Variants in TBC1D22A observed in about 807,000 individuals in gnomAD.
The protein encoded by TBC1D22A is TBC1 domain family member 22A, also known as putative GTPase activator.
Under a neutral mutation model 60.2 loss-of-function variants are expected in TBC1D22A, and 38 were observed. That is an observed-to-expected ratio of 0.63 (90% confidence interval 0.49 to 0.83). The LOEUF (loss-of-function observed/expected upper bound fraction) is 0.83. Among genes scored for constraint, TBC1D22A ranks in the 40% least tolerant of loss-of-function variants. The pLI, the probability that TBC1D22A is intolerant of heterozygous loss-of-function variation, is 0.00. For missense variants in TBC1D22A, 628 were observed against 701.0 expected (o/e 0.90, Z 1.18); for synonymous variants, 302 against 281.7 (o/e 1.07, Z -0.72).
At chr22:46,898,617 A>G (rs1270188729) in intron 7 of TBC1D22A, among the ~76,000 whole-genome samples, 1 of 152,176 alleles carries the variant, frequency 6.6e-6, no homozygotes, top group Non-Finnish European at 1.5e-5. Flanking sequence ...GATAACCTAG[A>G]CACAATGGGG....
At chr22:47,046,579 A>G (rs1313213293) in intron 11 of TBC1D22A, among the ~76,000 whole-genome samples, 3 of 152,104 alleles carry the variant, frequency 2.0e-5, no homozygotes, top group African/African-American at 7.2e-5. Context: ...CTCACATTTG[A>G]GAGCTGGGCC....
At chr22:47,144,205 A>T (rs1296999520) in intron 12 of TBC1D22A, among the ~76,000 whole-genome samples, 1 of 152,194 alleles carries the variant, frequency 6.6e-6, no homozygotes, top group African/African-American at 2.4e-5. Context: ...CACCGTGCTC[A>T]CTTCTCATCG....
At chr22:46,803,468 C>T (rs1282685807) in intron 4 of TBC1D22A, among the ~76,000 whole-genome samples, 4 of 152,164 alleles carry the variant, frequency 2.6e-5, no homozygotes, top group Non-Finnish European at 2.9e-5. Context: ...GGCCCGGCCC[C>T]CAGGAGCTGA....
At chr22:46,828,775 C>T (rs1372163085) in intron 4 of TBC1D22A, among the ~76,000 whole-genome samples, 1 of 152,204 alleles carries the variant, frequency 6.6e-6, no homozygotes, top group African/African-American at 2.4e-5. Context: ...CACCCACTGT[C>T]ACTCTAGCCA....
At chr22:47,097,665 A>G (rs934334305) in intron 11 of TBC1D22A, among the ~76,000 whole-genome samples, 26 of 152,284 alleles carry the variant, frequency 1.7e-4, no homozygotes, top group African/African-American at 6.0e-4. Flanking sequence ...AATTAAAAGG[A>G]AGATAATTGA....
At chr22:46,937,672 G>C (rs1248359362) in intron 8 of TBC1D22A, among the ~76,000 whole-genome samples, 3 of 152,170 alleles carry the variant, frequency 2.0e-5, no homozygotes, top group African/African-American at 7.2e-5. Flanking sequence ...ATAGTTATCA[G>C]AGGAGACGAT....
chr22:47,095,088 G>A (rs1038139165), intron 11 of TBC1D22A, among the ~76,000 whole-genome samples: 14 of 152,266 alleles, frequency 9.2e-5, no homozygotes, highest in African/African-American at 3.1e-4. Flanking sequence ...TGCCGTAAAC[G>A]TGGGGATGTT....
intron 7 of TBC1D22A, 65 bp from the exon 8 acceptor site, chr22:46,912,009 G>A (rs2069963715): frequency 9.8e-7 from 1 of 1,024,156 alleles, no homozygotes; most frequent in Non-Finnish European, 1.5e-6. Context: ...GTAATAGAAT[G>A]CTTTCATTTT....
rs1035109143 is a variant in TBC1D22A at position 46,844,792 on chromosome 22, G to T, written c.638-33861G>T. ...TGAGCACAGTGAGGCTGGCCTGGAC[G>T]TCTGAGCGGGGTCATCCCAGGCCCA... On this transcript the variant is annotated intron_variant, in intron 4 of 12. Transcript: ENST00000337137. Among the ~76,000 whole-genome samples, 3 of 152,316 alleles carry T rather than the reference G, an allele frequency of 2.0e-5. 1 individual carries two copies. The South Asian group carries it at 6.2e-4, about 32-fold the overall frequency.
At chr22:46,998,412 C>T (rs1269440308) in intron 10 of TBC1D22A, among the ~76,000 whole-genome samples, 1 of 152,094 alleles carries the variant, frequency 6.6e-6, no homozygotes, top group Non-Finnish European at 1.5e-5. Context: ...ACCAGCTGGT[C>T]AGTGATGAGG....
At chr22:47,053,734 A>C (rs908624198) in intron 11 of TBC1D22A, among the ~76,000 whole-genome samples, 1 of 152,228 alleles carries the variant, frequency 6.6e-6, no homozygotes, top group African/African-American at 2.4e-5. Flanking sequence ...TGACAACATC[A>C]CATTCACTGG....
chr22:47,027,634 C>T (rs2062303907), intron 10 of TBC1D22A, among the ~76,000 whole-genome samples: 2 of 152,182 alleles, frequency 1.3e-5, no homozygotes, highest in Admixed American at 1.3e-4. Flanking sequence ...TATAAAACTT[C>T]TGCAAGGAAA....
intron 11 of TBC1D22A, among the ~76,000 whole-genome samples, chr22:47,101,523 C>T (rs1213540171): frequency 6.6e-6 from 1 of 152,240 alleles, no homozygotes; most frequent in Non-Finnish European, 1.5e-5. Flanking sequence ...GCCTGTGGGG[C>T]GAGGCGGCCA....
chr22:46,790,052 A>G (rs954694550), intron 1 of TBC1D22A, among the ~76,000 whole-genome samples: 1 of 152,264 alleles, frequency 6.6e-6, no homozygotes, highest in African/African-American at 2.4e-5. Context: ...GCAAATCATC[A>G]CAAACTTACT....
intron 4 of TBC1D22A, among the ~76,000 whole-genome samples, chr22:46,810,454 A>AT (rs145865429): frequency 0.3 from 45,040 of 151,686 alleles, 6,682 homozygotes; most frequent in South Asian, 0.43. Flanking sequence ...AAAAAAAAAA[A>AT]GTATATATTT....
intron 9 of TBC1D22A, among the ~76,000 whole-genome samples, chr22:46,995,564 G>A (rs886232779): frequency 5.9e-5 from 9 of 152,164 alleles, no homozygotes; most frequent in African/African-American, 2.2e-4. Context: ...CTGGCTGCGT[G>A]TGTTCACATT....
At chr22:47,145,030 C>T (rs1333899777) in intron 12 of TBC1D22A, among the ~76,000 whole-genome samples, 3 of 152,230 alleles carry the variant, frequency 2.0e-5, no homozygotes, top group East Asian at 3.9e-4. Flanking sequence ...TGGTGGCAGA[C>T]GTTAATAAGC....
At chr22:46,906,812 T>TGC (rs2069512315) in intron 7 of TBC1D22A, among the ~76,000 whole-genome samples, 1 of 148,974 alleles carries the variant, frequency 6.7e-6, no homozygotes, top group African/African-American at 2.5e-5. Context: ...TGTGTGTGTG[T>TGC]GCTCTAGGTG....
intron 12 of TBC1D22A, among the ~76,000 whole-genome samples, chr22:47,127,620 C>T (rs908154653): frequency 6.6e-6 from 1 of 152,070 alleles, no homozygotes; most frequent in Non-Finnish European, 1.5e-5. Context: ...GGCCAGCTTG[C>T]TCTTCCACTG....
Sources: allele counts gnomAD v4.1 joint callset (sites outside exome capture counted in the v4.1 genomes callset), GRCh38; gene constraint gnomAD v4.1.1; transcripts MANE v1.5; gene names NCBI Gene and HGNC (gene_info 2026-07-23, HGNC 2026-07-21).